The following DCDC1 variants were observed in gnomAD, a reference collection of about 807,000 sequenced individuals.
DCDC1 encodes doublecortin domain-containing protein 1.
Under a neutral mutation model 178.3 loss-of-function variants are expected in DCDC1, and 200 were observed. That is an observed-to-expected ratio of 1.12 (90% CI 1.00 to 1.26). The LOEUF is 1.26. Among genes scored for constraint, DCDC1 ranks in the 50% most tolerant of loss-of-function variants. The probability of loss-of-function intolerance (pLI) is 0.00; values close to 1 mark genes in which losing one functional copy is unlikely to be tolerated. For synonymous variants in DCDC1, 690 were observed against 604.8 expected (o/e 1.14, Z -2.07); for missense variants, 1,983 against 1,749.2 (o/e 1.13, Z -2.38).
At chr11:31,305,580 G>C (rs375003085) in intron 6 of DCDC1, 35 bp downstream of exon 6, 2 of 1,608,712 alleles carry the variant, frequency 1.2e-6, no homozygotes, top group African/African-American at 1.3e-5. Context: ...AATTCAGTAT[G>C]TGTGGGGGTA....
intron 9 of DCDC1, among the ~76,000 whole-genome samples, chr11:31,216,538 C>T (rs1421788854): frequency 6.6e-6 from 1 of 152,154 alleles, no homozygotes; most frequent in Non-Finnish European, 1.5e-5. Flanking sequence ...TAGCCCACTG[C>T]AGACCTCAAT....
intron 2 of DCDC1, among the ~76,000 whole-genome samples, chr11:31,334,021 A>G (rs1472917463): frequency 6.6e-6 from 1 of 152,106 alleles, no homozygotes; most frequent in Admixed American, 6.5e-5. Flanking sequence ...ACACCAATCA[A>G]ACGTAGATTT....
chr11:31,058,629 G>T (rs566692448), intron 20 of DCDC1, among the ~76,000 whole-genome samples: 1 of 152,110 alleles, frequency 6.6e-6, no homozygotes, highest in East Asian at 1.9e-4. Flanking sequence ...GGGACATTTA[G>T]CATAGACTTT....
chr11:31,087,281 A>T (rs148995854), intron 17 of DCDC1, among the ~76,000 whole-genome samples: 42 of 152,060 alleles, frequency 2.8e-4, no homozygotes, highest in African/African-American at 9.9e-4. Flanking sequence ...CTAGAGATTT[A>T]TTAGTTTTTT....
At chr11:31,215,663 T>C (rs1973453022) in intron 9 of DCDC1, among the ~76,000 whole-genome samples, 1 of 151,798 alleles carries the variant, frequency 6.6e-6, no homozygotes, top group South Asian at 2.1e-4. Flanking sequence ...CATGGTGGTG[T>C]GCGCCTATAG....
intron 20 of DCDC1, among the ~76,000 whole-genome samples, chr11:30,998,031 T>G (rs913854448): frequency 3.3e-5 from 5 of 152,092 alleles, no homozygotes; most frequent in Admixed American, 3.3e-4. Flanking sequence ...CAGTGGCTCA[T>G]GTCTGTAATG....
rs35707554 is a variant in DCDC1 at position 30,931,196 on chromosome 11, C to T, written c.2897+575G>A. On this transcript the variant is annotated intron_variant, in intron 22 of 38. Transcript: ENST00000684477. ...GAAAAGACAGCAGGTGATTTTTCTC[C>T]AATGTTGGAGAAAATATTGGCTATT... Among the ~76,000 whole-genome samples, 1,509 of 151,796 alleles carry T rather than the reference C, an allele frequency of 9.9e-3. 12 individuals are homozygous for T. The highest frequency in any genetic ancestry group is 0.016 in the Non-Finnish European group (1,114 of 67,914).
intron 20 of DCDC1, among the ~76,000 whole-genome samples, chr11:31,044,189 C>A (rs1178047225): frequency 6.6e-6 from 1 of 152,040 alleles, no homozygotes; most frequent in African/African-American, 2.4e-5. Flanking sequence ...ATTTAAAGTA[C>A]AACAGGGGCC....
At position 31,151,813 on chromosome 11, in the gene DCDC1, A is replaced by C. The variant is rs548667647; in HGVS notation, c.1222-14029T>G. ...AAACATCTTAAGCAGACCTATAACT[A>C]TCTAGTCACCAATAGTTATCGAAAG... is the stretch of plus-strand genomic sequence containing the variant. On this transcript the variant is annotated intron_variant, in intron 9 of 38. Coordinates refer to ENST00000684477, the MANE Select transcript of DCDC1 (RefSeq NM_001387274.1). Among the ~76,000 whole-genome samples, 9 of 152,330 alleles carry C rather than the reference A, an allele frequency of 5.9e-5. No individual in the cohort carries two copies. In the South Asian group the frequency reaches 1.7e-3, roughly 28 times the overall value.
At chr11:31,092,049 C>A (rs1957851829) in intron 16 of DCDC1, among the ~76,000 whole-genome samples, 1 of 152,064 alleles carries the variant, frequency 6.6e-6, no homozygotes, top group Non-Finnish European at 1.5e-5. Context: ...CTTGAAGGGC[C>A]ATTTAACCAT....
chr11:31,033,602 T>C (rs1373677176), intron 20 of DCDC1, among the ~76,000 whole-genome samples: 2 of 152,190 alleles, frequency 1.3e-5, no homozygotes, highest in African/African-American at 4.8e-5. Flanking sequence ...GCATAGCTAT[T>C]AATTATTTGA....
intron 20 of DCDC1, among the ~76,000 whole-genome samples, chr11:30,959,913 C>A (rs1032434346): frequency 6.6e-6 from 1 of 152,096 alleles, no homozygotes; most frequent in African/African-American, 2.4e-5. Context: ...CCCTCCTTCC[C>A]TTCCCTGCTT....
At chr11:31,254,345 T>C (rs898297636) in intron 8 of DCDC1, among the ~76,000 whole-genome samples, 2 of 152,144 alleles carry the variant, frequency 1.3e-5, no homozygotes, top group Non-Finnish European at 2.9e-5. Flanking sequence ...CAAGATCACA[T>C]AGTGAAGTTT....
Position 31,064,545 on chromosome 11 carries a change from G to A in DCDC1, c.2515C>T (p.Leu839Phe), listed in dbSNP as rs778945050. Reference protein sequence around the residue: ...SDTHLMPEGSLEETGELTVAL... With the variant: ...SDTHLMPEGSFEETGELTVAL... ...ACTGTCAGCTCCCCCGTCTCCTCAAGAGAACCTTCTGGCATTAAATGGGTG... is the reference window on the plus strand; with the variant it reads ...ACTGTCAGCTCCCCCGTCTCCTCAAAAGAACCTTCTGGCATTAAATGGGTG... The change falls in exon 20 of 39, where the codon CTT (leucine) becomes TTT (phenylalanine). Residue 839 changes from leucine (L) to phenylalanine (F), a missense_variant. Coordinates refer to ENST00000684477, the MANE Select transcript of DCDC1 (RefSeq NM_001387274.1). 2.6e-6 allele frequency: 2 copies of A among 766,004 alleles called. No individual in the cohort carries two copies. Among genetic ancestry groups the A allele is most frequent in the South Asian group, 2.7e-5 (2 of 74,612 alleles). 47.5% of individuals were successfully genotyped at this position (766,004 alleles called of 1,614,324 possible). A position where few individuals can be genotyped will look rare whatever the true frequency, so the allele number is the denominator to read the frequency against.
chr11:30,872,408 T>C (rs1452162706), intron 38 of DCDC1, among the ~76,000 whole-genome samples: 1 of 152,168 alleles, frequency 6.6e-6, no homozygotes, highest in Non-Finnish European at 1.5e-5. Context: ...TAATTTTACA[T>C]TGATGATATG....
intron 9 of DCDC1, among the ~76,000 whole-genome samples, chr11:31,233,833 G>A (rs183741128): frequency 4.6e-5 from 7 of 152,230 alleles, no homozygotes; most frequent in Admixed American, 3.9e-4. Flanking sequence ...GTATCTGACC[G>A]AATTTTTGCC....
intron 21 of DCDC1, among the ~76,000 whole-genome samples, chr11:30,945,215 C>CCT (rs1210870436): frequency 2.0e-5 from 3 of 151,744 alleles, no homozygotes; most frequent in Non-Finnish European, 4.4e-5. Flanking sequence ...GATCTGCCCG[C>CCT]CTCAGCCTCC....
At chr11:31,055,791 G>A (rs1442506005) in intron 20 of DCDC1, among the ~76,000 whole-genome samples, 3 of 152,264 alleles carry the variant, frequency 2.0e-5, no homozygotes, top group African/African-American at 7.2e-5. Context: ...CTGATATGTG[G>A]GAGCTAAGCT....
At chr11:31,292,346 A>G (rs999360426) in intron 6 of DCDC1, among the ~76,000 whole-genome samples, 6 of 152,204 alleles carry the variant, frequency 3.9e-5, no homozygotes, top group African/African-American at 1.2e-4. Flanking sequence ...ACAATAGCCA[A>G]CATGTGGTAA....
Sources: allele counts gnomAD v4.1 joint callset (sites outside exome capture counted in the v4.1 genomes callset), GRCh38; gene constraint gnomAD v4.1.1; transcripts MANE v1.5; gene names NCBI Gene and HGNC (gene_info 2026-07-23, HGNC 2026-07-21).